Variants in KLRG1 observed in about 807,000 individuals in gnomAD.
The protein encoded by KLRG1 is killer cell lectin like receptor G1, also known as killer cell lectin-like receptor subfamily G member 1.
Under a neutral mutation model 21.8 loss-of-function variants are expected in KLRG1, and 16 were observed. The observed-to-expected ratio is 0.73, with a 90% CI of 0.50 to 1.11. The LOEUF (loss-of-function observed/expected upper bound fraction) is 1.11, where lower values mean the gene tolerates loss of function less well. KLRG1 is among the 50% of genes most tolerant of loss of function. KLRG1 has a pLI of 0.00. For missense variants in KLRG1, 173 were observed against 218.3 expected, an observed-to-expected ratio of 0.79 and a Z score of 1.31; for synonymous variants, 69 against 75.9, an observed-to-expected ratio of 0.91 and a Z score of 0.47.
chr12:8,956,664 C>T (rs1006429264), intron 1 of KLRG1, among the ~76,000 whole-genome samples: 3 of 152,154 alleles, frequency 2.0e-5, no homozygotes, highest in African/African-American at 4.8e-5. Context: ...CCCGGCTGGT[C>T]TCGAACTCCT....
the KLRG1 span, chr12:9,101,745 G>GT: frequency 1.4e-4 from 179 of 1,261,766 alleles, no homozygotes; most frequent in Admixed American, 3.6e-4. Flanking sequence ...ACAAAACTAC[G>GT]TAAGTTTACT....
chr12:9,009,140 T>A (rs1265959768), intron 4 of KLRG1, 65 bp downstream of exon 4: 1 of 1,240,130 alleles, frequency 8.1e-7, no homozygotes. Flanking sequence ...ATTATGATAC[T>A]TGGGGAATAG....
the KLRG1 span, among the ~76,000 whole-genome samples, chr12:9,150,058 C>T: frequency 6.6e-6 from 1 of 152,198 alleles, no homozygotes; most frequent in African/African-American, 2.4e-5. Flanking sequence ...CACCAGCCTT[C>T]TGTGCTGTTT....
At chr12:9,121,042 C>T in the KLRG1 span, among the ~76,000 whole-genome samples, 83 of 151,670 alleles carry the variant, frequency 5.5e-4, no homozygotes, top group Non-Finnish European at 1.0e-3. This position sits in a 1 kb window ranked among gnomAD's most constrained non-coding sequence, Gnocchi z 4.4. Flanking sequence ...CACCACGCCC[C>T]GCTAATTTTT....
At chr12:8,952,707 A>T (rs1431993217) in intron 1 of KLRG1, among the ~76,000 whole-genome samples, 2 of 152,216 alleles carry the variant, frequency 1.3e-5, no homozygotes, top group South Asian at 2.1e-4. Context: ...ACCATTAAAT[A>T]TATCAGTGTG....
the KLRG1 span, among the ~76,000 whole-genome samples, chr12:9,120,709 A>G: frequency 1.3e-5 from 2 of 152,208 alleles, no homozygotes; most frequent in African/African-American, 4.8e-5. Flanking sequence ...TGGCATAACC[A>G]TATTCACCCT....
At chr12:9,025,567 G>A in the KLRG1 span, among the ~76,000 whole-genome samples, 11 of 152,192 alleles carry the variant, frequency 7.2e-5, no homozygotes, top group African/African-American at 2.2e-4. Flanking sequence ...AACCCAGGAG[G>A]TGGAGTTTGC....
the KLRG1 span, among the ~76,000 whole-genome samples, chr12:9,197,567 TATATA>T: frequency 9.1e-6 from 1 of 110,254 alleles, no homozygotes; most frequent in Non-Finnish European, 1.7e-5. Context: ...TATAATGTAA[TATATA>T]ATATATGACA....
At chr12:9,008,524 G>T (rs748646698) in intron 3 of KLRG1, among the ~76,000 whole-genome samples, 10 of 152,166 alleles carry the variant, frequency 6.6e-5, no homozygotes, top group Non-Finnish European at 1.3e-4. Context: ...AGACTGGATC[G>T]CTTGAACAAC....
rs775202452 is a variant in KLRG1 at position 8,957,577 on chromosome 12, C to T, written c.-156+7341C>T. The stretch of plus-strand genomic sequence containing the variant: ...TTTTTTAGTAAGTCAAGAACCTTCA[C>T]CTTTTTATTTAAAGGAAGCACTTTA... On this transcript the variant is annotated intron_variant, in intron 1 of 4. Coordinates refer to the KLRG1 transcript ENST00000539240. 4.6e-5 allele frequency among the ~76,000 whole-genome samples: 7 copies of T among 152,084 alleles called. No homozygotes were observed. In the East Asian group the frequency reaches 1.4e-3, roughly 29 times the overall value.
At chr12:9,093,570 A>G in the KLRG1 span, 2 of 1,592,516 alleles carry the variant, frequency 1.3e-6, no homozygotes, top group African/African-American at 2.8e-5. Flanking sequence ...TCTTCCCATT[A>G]CATCTGACTC....
the KLRG1 span, among the ~76,000 whole-genome samples, chr12:9,123,684 A>C: frequency 6.9e-6 from 1 of 144,562 alleles, no homozygotes; most frequent in Non-Finnish European, 1.5e-5. Flanking sequence ...GAGAGAACAA[A>C]TATACTATCT....
At chr12:9,110,337 G>A in the KLRG1 span, 3 of 1,427,362 alleles carry the variant, frequency 2.1e-6, no homozygotes, top group Admixed American at 5.1e-5. Flanking sequence ...AGTGGAATCT[G>A]AAAGACAAAA....
the KLRG1 span, among the ~76,000 whole-genome samples, chr12:9,053,848 C>G: frequency 1.3e-5 from 2 of 152,174 alleles, no homozygotes; most frequent in Non-Finnish European, 2.9e-5. Flanking sequence ...AAACTACTGA[C>G]ATCAACTGGT....
chr12:9,030,178 T>C, the KLRG1 span, among the ~76,000 whole-genome samples: 1 of 152,128 alleles, frequency 6.6e-6, no homozygotes, highest in African/African-American at 2.4e-5. Context: ...TCTTGGATCA[T>C]TGAGAGGGAA....
At chr12:9,159,787 C>T in the KLRG1 span, 1 of 693,288 alleles carries the variant, frequency 1.4e-6, no homozygotes, top group Admixed American at 3.0e-5. Flanking sequence ...ACTTATCAGC[C>T]TTCATAGCTA....
chr12:9,157,555 C>T, the KLRG1 span, among the ~76,000 whole-genome samples: 1 of 152,000 alleles, frequency 6.6e-6, no homozygotes, highest in Admixed American at 6.5e-5. Flanking sequence ...ACTAGAGAAC[C>T]TGTTTTTAGG....
chr12:9,098,639 T>C, the KLRG1 span: 1 of 1,608,602 alleles, frequency 6.2e-7, no homozygotes, highest in Non-Finnish European at 8.5e-7. Flanking sequence ...TCAGGCTTCA[T>C]GAGCAGCACG....
chr12:9,026,534 G>T, the KLRG1 span, among the ~76,000 whole-genome samples: 1 of 152,166 alleles, frequency 6.6e-6, no homozygotes, highest in Non-Finnish European at 1.5e-5. Flanking sequence ...TGTGGGGGAA[G>T]AAGGATGTTA....
Sources: gnomAD v4.1 joint callset for allele counts (sites outside exome capture counted in the v4.1 genomes callset) on GRCh38, gnomAD v4.1.1 for gene constraint, Gnocchi (gnomAD v3.1) non-coding constraint, MANE v1.5 for transcripts, NCBI Gene and HGNC (gene_info 2026-07-23, HGNC 2026-07-21) for gene names.